The following RAB10 variants were observed in gnomAD, a reference collection of about 807,000 sequenced individuals.
RAB10 encodes ras-related protein Rab-10.
RAB10 carries 5 observed loss-of-function variants against 25.7 expected under a neutral mutation model. The observed-to-expected ratio is 0.19, with a 90% CI of 0.10 to 0.41. The LOEUF is 0.41. Ranked by LOEUF, RAB10 falls within the 10% of genes least tolerant of loss-of-function variation. The pLI is 1.00. For synonymous variants in RAB10, 89 were observed against 86.4 expected (o/e 1.03, Z -0.16); for missense variants, 103 against 245.8 (o/e 0.42, Z 3.89).
chr2:26,087,180 C>T (rs1303632234), intron 1 of RAB10, among the ~76,000 whole-genome samples: 6 of 152,054 alleles, frequency 3.9e-5, no homozygotes, highest in Admixed American at 2.0e-4. Flanking sequence ...TAAAAGCATG[C>T]ATGGTATGAA....
chr2:26,074,936 C>CA (rs1371137837), intron 1 of RAB10, among the ~76,000 whole-genome samples: 1 of 152,098 alleles, frequency 6.6e-6, no homozygotes, highest in Non-Finnish European at 1.5e-5. Flanking sequence ...ATATAGTAAG[C>CA]ACTATAAATG....
chr2:26,073,865 G>C (rs1006691404), intron 1 of RAB10, among the ~76,000 whole-genome samples: 1 of 152,082 alleles, frequency 6.6e-6, no homozygotes, highest in Admixed American at 6.6e-5. Context: ...AGAATCGGAG[G>C]GTTTCTAGGC....
rs145274211 is a variant in RAB10 at position 26,048,130 on chromosome 2, G to T, written c.127+13395G>T. Among the ~76,000 whole-genome samples the T allele has an allele frequency of 1.7e-3, 261 of 151,644 alleles. 1 individual carries two copies. The highest frequency in any genetic ancestry group is 6.0e-3 in the African/African-American group (250 of 41,328). On this transcript the variant is annotated intron_variant, in intron 1 of 5. Coordinates refer to ENST00000264710, the MANE Select transcript of RAB10 (RefSeq NM_016131.5). ...TTACCCATTGACCGACATCTGGGCT[G>T]ATTCTAGTTTTTAGCTAATATGAAT... is the stretch of plus-strand genomic sequence containing the variant.
rs567617315 is a variant in RAB10, at chr2:26,039,264, G to T, written c.127+4529G>T. ...TTGAACTCCTGACGTCAGGTGATCC[G>T]CCCACCTTGGCCTCCCAAAATCCTG... On this transcript the variant is annotated intron_variant, in intron 1 of 5. Transcript: ENST00000264710. Among the ~76,000 whole-genome samples, 453 of 148,354 alleles carry T rather than the reference G, an allele frequency of 3.1e-3. 4 individuals are homozygous for T. The highest frequency in any genetic ancestry group is 5.2e-3 in the Non-Finnish European group (350 of 66,862).
At chr2:26,118,200 T>C (rs1667731192) in intron 3 of RAB10, among the ~76,000 whole-genome samples, 1 of 152,148 alleles carries the variant, frequency 6.6e-6, no homozygotes. Context: ...CTCGAACTCC[T>C]GACCTCATGG....
At chr2:26,046,740 G>A (rs1666020080) in intron 1 of RAB10, among the ~76,000 whole-genome samples, 1 of 152,032 alleles carries the variant, frequency 6.6e-6, no homozygotes, top group African/African-American at 2.4e-5. Flanking sequence ...TTTCACATAC[G>A]ACCCAGAAAC....
rs1166887582 is a variant in RAB10, at chr2:26,129,927, C to A, written c.519+1976C>A. On this transcript the variant is annotated intron_variant, in intron 5 of 5. Transcript: ENST00000264710. Reference sequence around the variant, plus strand: ...ATTAGGATATAATATGTGAAGTGATCTCATTTTTCAAGATTATATGATACC... The same window carrying A: ...ATTAGGATATAATATGTGAAGTGATATCATTTTTCAAGATTATATGATACC... Among the ~76,000 whole-genome samples the A allele has an allele frequency of 2.0e-5, 3 of 152,120 alleles. No individual in the cohort carries two copies. In the East Asian group the frequency reaches 5.8e-4, roughly 29 times the overall value.
At chr2:26,102,033 T>TA (rs1211159691) in intron 2 of RAB10, 1 of 152,566 alleles carries the variant, frequency 6.6e-6, no homozygotes, top group Non-Finnish European at 1.5e-5. Flanking sequence ...CTTGAGCTCC[T>TA]AGGCCTCAGC....
At chr2:26,056,990 A>G (rs569071980) in intron 1 of RAB10, among the ~76,000 whole-genome samples, 2 of 152,172 alleles carry the variant, frequency 1.3e-5, no homozygotes, top group Non-Finnish European at 2.9e-5. Context: ...TGCTATATAG[A>G]GGCGTCGTGA....
At chr2:26,085,315 C>T (rs1454149493) in intron 1 of RAB10, among the ~76,000 whole-genome samples, 1 of 151,468 alleles carries the variant, frequency 6.6e-6, no homozygotes, top group Non-Finnish European at 1.5e-5. Context: ...ATGGTAAAAC[C>T]TCATCTCTAC....
chr2:26,071,775 G>A (rs921418760), intron 1 of RAB10, among the ~76,000 whole-genome samples: 1 of 152,086 alleles, frequency 6.6e-6, no homozygotes, highest in Non-Finnish European at 1.5e-5. Flanking sequence ...GCTGAAGCGG[G>A]AGGATTGTTT....
chr2:26,109,946 A>G, intron 3 of RAB10, 40 bp downstream of exon 3: 1 of 1,495,788 alleles, frequency 6.7e-7, no homozygotes, highest in Non-Finnish European at 9.0e-7. Context: ...ATGAACACAC[A>G]TTTGTGTGCT....
chr2:26,039,409 G>C (rs949125690), intron 1 of RAB10, among the ~76,000 whole-genome samples: 4 of 151,332 alleles, frequency 2.6e-5, no homozygotes, highest in African/African-American at 4.9e-5. Flanking sequence ...GTAGTGGCGC[G>C]ATCTGGGCTC....
At chr2:26,076,008 A>G (rs547070283) in intron 1 of RAB10, among the ~76,000 whole-genome samples, 1 of 152,284 alleles carries the variant, frequency 6.6e-6, no homozygotes, top group South Asian at 2.1e-4. Context: ...GAAGGCAGAC[A>G]TTTGGCTCAC....
intron 1 of RAB10, among the ~76,000 whole-genome samples, chr2:26,049,497 CT>C (rs1165282963): frequency 6.6e-6 from 1 of 151,814 alleles, no homozygotes; most frequent in African/African-American, 2.4e-5. Context: ...CAACCTCCAC[CT>C]TCTGGGTTCA....
At chr2:26,039,122 C>A (rs1027026327) in intron 1 of RAB10, among the ~76,000 whole-genome samples, 1 of 148,338 alleles carries the variant, frequency 6.7e-6, no homozygotes, top group Admixed American at 6.8e-5. Flanking sequence ...TAGGTTCAAG[C>A]AATTCTACTG....
intron 1 of RAB10, among the ~76,000 whole-genome samples, chr2:26,088,447 T>C (rs996176146): frequency 6.6e-6 from 1 of 152,232 alleles, no homozygotes; most frequent in Non-Finnish European, 1.5e-5. Flanking sequence ...ATTTCTGTGC[T>C]AATTTAGCAA....
rs183633589 is a variant in RAB10 at position 26,039,819 on chromosome 2, C to T, written c.127+5084C>T. On this transcript the variant is annotated intron_variant, in intron 1 of 5. Transcript: ENST00000264710. ...CTTGGGCCCAAGAGTTCAAGACCAG[C>T]CTGGGCAACATAGTGAGACCCTGTC... Among the ~76,000 whole-genome samples, 615 of 151,420 alleles carry T rather than the reference C, an allele frequency of 4.1e-3. 9 individuals carry two copies. The highest frequency in any genetic ancestry group is 0.021 in the Middle Eastern group (6 of 292).
chr2:26,133,129 G>A (rs1016783822), intron 5 of RAB10, among the ~76,000 whole-genome samples: 3 of 152,108 alleles, frequency 2.0e-5, no homozygotes, highest in Admixed American at 6.5e-5. Context: ...ACTTCAGTAT[G>A]AGTTAACTAG....
Sources: allele counts gnomAD v4.1 joint callset (sites outside exome capture counted in the v4.1 genomes callset), GRCh38; gene constraint gnomAD v4.1.1; transcripts MANE v1.5; gene names NCBI Gene and HGNC (gene_info 2026-07-23, HGNC 2026-07-21).